The following SARDH variants were observed in gnomAD, a reference collection of about 807,000 sequenced individuals.
SARDH encodes the protein sarcosine dehydrogenase.
SARDH carries 95 observed loss-of-function variants against 109.1 expected under a neutral mutation model. The observed-to-expected ratio is 0.87, with a 90% CI of 0.74 to 1.03. The LOEUF (loss-of-function observed/expected upper bound fraction) is 1.03. Among genes scored for constraint, SARDH ranks in the 50% least tolerant of loss-of-function variants. The pLI is 0.00. For missense variants in SARDH, 1,267 were observed against 1,287.8 expected (o/e 0.98, Z 0.25); for synonymous variants, 572 against 534.8 (o/e 1.07, Z -0.96).
chr9:133,729,789 G>T lies in SARDH; in HGVS notation c.891C>A (p.Val297=). 6.2e-7 allele frequency: 1 copy of T among 1,612,920 alleles called. No individual in the cohort carries two copies. The change falls in exon 6 of 21, where the codon GTC becomes GTA. Residue 297 remains valine, a synonymous_variant. Transcript: ENST00000439388. ...CCTGAATCCCCTCGATGCGCTCGGTGACGACATAGGCATGGTGCATGGCCA... is the reference window on the plus strand; with the variant it reads ...CCTGAATCCCCTCGATGCGCTCGGTTACGACATAGGCATGGTGCATGGCCA... The part of the protein sequence containing the change: ...PLVAMHHAYV[V]TERIEGIQNM...
At chr9:133,690,998 G>T (rs1248230572) in intron 15 of SARDH, among the ~76,000 whole-genome samples, 5 of 152,132 alleles carry the variant, frequency 3.3e-5, no homozygotes, top group African/African-American at 1.2e-4. Flanking sequence ...CCCCAGGCAG[G>T]CCCCAGCCAG....
chr9:133,672,507 G>T lies in SARDH; in HGVS notation c.2164-810C>A, dbSNP rs1368137276. Among the ~76,000 whole-genome samples the T allele has an allele frequency of 5.3e-5, 8 of 152,232 alleles. No individual in the cohort carries two copies. In the East Asian group the frequency reaches 1.2e-3, roughly 22 times the overall value. On this transcript the variant is annotated intron_variant, in intron 17 of 20. Transcript: ENST00000439388. ...GTTTCAGAAGCTCTGAGACACGTCT[G>T]CGAGGAGCAGGGGGAAGGCAGCAGC...
At chr9:133,695,140 T>C (rs529334226) in intron 14 of SARDH, among the ~76,000 whole-genome samples, 1 of 152,304 alleles carries the variant, frequency 6.6e-6, no homozygotes, top group Admixed American at 6.5e-5. Flanking sequence ...GTGTGGGCCC[T>C]CATCTAATCT....
rs181468236 is a variant in SARDH at position 133,664,435 on chromosome 9, C to T, written c.2632-421G>A. Among the ~76,000 whole-genome samples, 335 of 152,346 alleles carry T rather than the reference C, an allele frequency of 2.2e-3. 7 individuals carry two copies. Among genetic ancestry groups the T allele is most frequent in the Non-Finnish European group, 7.1e-4 (48 of 68,038 alleles). Reference sequence around the variant, plus strand: ...GGGGCGGCTGGAACAGCCTTCTAGACAGCTTGGCCTCTGCATGCTCCCCAT... The same window carrying T: ...GGGGCGGCTGGAACAGCCTTCTAGATAGCTTGGCCTCTGCATGCTCCCCAT... On this transcript the variant is annotated intron_variant, in intron 20 of 20. Transcript: ENST00000439388.
Position 133,706,418 on chromosome 9 carries a change from C to T in SARDH, c.1471-1387G>A, listed in dbSNP as rs531644300. ...CCTGAACAGGCAAATCCATAGAGAC[C>T]GAAACAGCTTAGTGGTTGCCAAGGC... On this transcript the variant is annotated intron_variant, in intron 11 of 20. Coordinates refer to ENST00000439388, the MANE Select transcript of SARDH (RefSeq NM_001134707.2). 3.9e-5 allele frequency among the ~76,000 whole-genome samples: 6 copies of T among 152,234 alleles called. No homozygotes were observed. The South Asian group carries it at 6.2e-4, about 16-fold the overall frequency.
At position 133,709,443 on chromosome 9, in the gene SARDH, C is replaced by A. The variant is rs918602132; in HGVS notation, c.1329-1015G>T. On this transcript the variant is annotated intron_variant, in intron 10 of 20. Transcript: ENST00000439388. The surrounding 1 kb of genome is among the most constrained non-coding windows in gnomAD (Gnocchi z 4.2). ...CCACGCACAAACCTCCCTGTCAGCCCCCGGCTTTCCCAGCACCCCGCCTCC... is the reference window on the plus strand; with the variant it reads ...CCACGCACAAACCTCCCTGTCAGCCACCGGCTTTCCCAGCACCCCGCCTCC... Among the ~76,000 whole-genome samples, 1 of 152,170 alleles carries A rather than the reference C, an allele frequency of 6.6e-6. No homozygotes were observed. Among genetic ancestry groups the A allele is most frequent in the Non-Finnish European group, 1.5e-5 (1 of 68,032 alleles).
At chr9:133,660,036 C>A (rs908232991), downstream of SARDH, among the ~76,000 whole-genome samples, 2 of 152,062 alleles carry the variant, frequency 1.3e-5, no homozygotes, top group African/African-American at 2.4e-5. Context: ...AGCTCTGGAA[C>A]CTGCCACAGC....
At position 133,664,708 on chromosome 9, in the gene SARDH, G is replaced by C. The variant is rs958171412; in HGVS notation, c.2632-694C>G. Among the ~76,000 whole-genome samples the C allele has an allele frequency of 6.6e-5, 10 of 152,142 alleles. No individual in the cohort carries two copies. The East Asian group carries it at 1.9e-3, about 29-fold the overall frequency. On this transcript the variant is annotated intron_variant, in intron 20 of 20. Coordinates refer to ENST00000439388, the MANE Select transcript of SARDH (RefSeq NM_001134707.2). The stretch of plus-strand genomic sequence containing the variant: ...TCGGGCTCCGCTCTGGGAGTCAGAG[G>C]GCTCCTTCTTGTTCCTAGCAGCTCA...
At chr9:133,735,327 T>G (rs1275383588) in intron 1 of SARDH, among the ~76,000 whole-genome samples, 4 of 152,132 alleles carry the variant, frequency 2.6e-5, no homozygotes, top group Admixed American at 2.6e-4. Flanking sequence ...TAACAGGCCT[T>G]CCTCCCCTCT....
At chr9:133,719,143 G>A (rs1832233216) in intron 6 of SARDH, 101 bp from the exon 7 acceptor site, 2 of 912,122 alleles carry the variant, frequency 2.2e-6, no homozygotes, top group Non-Finnish European at 3.5e-6. Context: ...AGGGTCACGG[G>A]CTCGAGATGG....
At chr9:133,729,207 G>A (rs549797358) in intron 6 of SARDH, among the ~76,000 whole-genome samples, 2 of 152,198 alleles carry the variant, frequency 1.3e-5, no homozygotes, top group East Asian at 3.9e-4. Flanking sequence ...AGGGGGGTCA[G>A]TAACAAAGTG....
rs767427019 is a variant in SARDH at position 133,690,531 on chromosome 9, G to A, written c.1922-4C>T. ...ATGGCCAGGTAGTAACCGTCCCCTGGAAGAGAGGCACCTGGACTTAGAGCA... is the reference window on the plus strand; with the variant it reads ...ATGGCCAGGTAGTAACCGTCCCCTGAAAGAGAGGCACCTGGACTTAGAGCA... On this transcript the variant is annotated splice_polypyrimidine_tract_variant and splice_region_variant and intron_variant, in intron 15 of 20. Transcript: ENST00000439388. 6.3e-7 allele frequency: 1 copy of A among 1,594,472 alleles called. No homozygotes were observed. Among genetic ancestry groups the A allele is most frequent in the Non-Finnish European group, 8.5e-7 (1 of 1,172,600 alleles).
chr9:133,712,298 C>T lies in SARDH; in HGVS notation c.1328+321G>A, dbSNP rs572240804. Among the ~76,000 whole-genome samples the T allele has an allele frequency of 3.3e-5, 5 of 152,282 alleles. No homozygotes were observed. In the South Asian group the frequency reaches 8.3e-4, roughly 25 times the overall value. On this transcript the variant is annotated intron_variant, in intron 10 of 20. Transcript: ENST00000439388. The surrounding 1 kb of genome is among the most constrained non-coding windows in gnomAD (Gnocchi z 4.1). ...CAGTTTTCCCAGCTCAGCCCCGCTCCCTCCTGCCCCCAGGCCTCAGTCTCC... is the reference window on the plus strand; with the variant it reads ...CAGTTTTCCCAGCTCAGCCCCGCTCTCTCCTGCCCCCAGGCCTCAGTCTCC...
chr9:133,667,056 G>A, intron 19 of SARDH, 186 bp from the exon 20 acceptor site: 1 of 701,954 alleles, frequency 1.4e-6, no homozygotes, highest in Non-Finnish European at 2.4e-6. Context: ...TGGACAGCAG[G>A]GCTCGGGCTT....
intron 14 of SARDH, among the ~76,000 whole-genome samples, chr9:133,694,735 C>T (rs574133384): frequency 3.9e-5 from 6 of 152,354 alleles, no homozygotes; most frequent in Admixed American, 1.3e-4. Context: ...CTCCTAGCTC[C>T]GTGCCTGGTA....
downstream of SARDH, among the ~76,000 whole-genome samples, chr9:133,659,821 G>C (rs894187175): frequency 6.6e-6 from 1 of 152,132 alleles, no homozygotes; most frequent in Non-Finnish European, 1.5e-5. Context: ...CATCTTTACA[G>C]CCTAGGTGAC....
chr9:133,726,509 G>A (rs1364449300), intron 6 of SARDH, among the ~76,000 whole-genome samples: 1 of 151,972 alleles, frequency 6.6e-6, no homozygotes, highest in Non-Finnish European at 1.5e-5. Flanking sequence ...TGGTGGCCAG[G>A]GAAGCCCCTG....
intron 8 of SARDH, among the ~76,000 whole-genome samples, chr9:133,715,004 G>T (rs946241268): frequency 6.6e-6 from 1 of 152,188 alleles, no homozygotes; most frequent in Non-Finnish European, 1.5e-5. Flanking sequence ...TGAGTAACCC[G>T]AGGACACATG....
rs555337409 is a variant in SARDH at position 133,669,996 on chromosome 9, G to A, written c.2495+588C>T. Among the ~76,000 whole-genome samples the A allele has an allele frequency of 3.3e-5, 5 of 152,314 alleles. No homozygotes were observed. In the East Asian group the frequency reaches 9.6e-4, roughly 29 times the overall value. The stretch of plus-strand genomic sequence containing the variant: ...CTCTACCTCCCCACGGGCCCTGCTG[G>A]CCTGGGAGGGGCCCCAGGTGCGCAA... On this transcript the variant is annotated intron_variant, in intron 19 of 20. Transcript: ENST00000439388.
Sources: allele counts gnomAD v4.1 joint callset (sites outside exome capture counted in the v4.1 genomes callset), GRCh38; gene constraint gnomAD v4.1.1; non-coding constraint Gnocchi (gnomAD v3.1); transcripts MANE v1.5; gene names NCBI Gene and HGNC (gene_info 2026-07-23, HGNC 2026-07-21).